Variants in CADM1 observed in about 807,000 individuals in gnomAD.
The protein encoded by CADM1 is cell adhesion molecule 1.
A neutral mutation model predicts 53.1 loss-of-function variants in CADM1; 15 were observed. The observed-to-expected ratio is 0.28, with a 90% CI of 0.19 to 0.44. The LOEUF (loss-of-function observed/expected upper bound fraction) is 0.44, where lower values mean the gene tolerates loss of function less well. Ranked by LOEUF, CADM1 falls within the 20% of genes least tolerant of loss-of-function variation. The pLI, the probability that CADM1 is intolerant of heterozygous loss-of-function variation, is 1.00. For missense variants in CADM1, 434 were observed against 611.3 expected (o/e 0.71, Z 3.06); for synonymous variants, 281 against 243.0 (o/e 1.16, Z -1.45).
At chr11:115,243,906 G>A (rs1591637657) in intron 1 of CADM1, among the ~76,000 whole-genome samples, 1 of 152,188 alleles carries the variant, frequency 6.6e-6, no homozygotes, top group Admixed American at 6.5e-5. Context: ...ACAACATACT[G>A]TAGCCATTAA....
chr11:115,402,716 T>C (rs1947193439), intron 1 of CADM1, among the ~76,000 whole-genome samples: 1 of 152,084 alleles, frequency 6.6e-6, no homozygotes, highest in Non-Finnish European at 1.5e-5. Context: ...TTTTTTTCAC[T>C]GATCAGATTG....
At chr11:115,389,658 G>A (rs909179359) in intron 1 of CADM1, among the ~76,000 whole-genome samples, 3 of 152,006 alleles carry the variant, frequency 2.0e-5, no homozygotes, top group African/African-American at 7.2e-5. Context: ...TCACAACTAA[G>A]TAAAACAGGC....
chr11:115,194,365 A>G (rs1565289470), intron 9 of CADM1, among the ~76,000 whole-genome samples: 1 of 152,236 alleles, frequency 6.6e-6, no homozygotes, highest in Non-Finnish European at 1.5e-5. Flanking sequence ...TGCATTATTT[A>G]TAAACGAGTC....
At chr11:115,385,071 G>T (rs1254408597) in intron 1 of CADM1, among the ~76,000 whole-genome samples, 1 of 151,592 alleles carries the variant, frequency 6.6e-6, no homozygotes, top group East Asian at 1.9e-4. Flanking sequence ...AGCTTAAAGA[G>T]ATCCTATTAT....
chr11:115,212,600 C>G (rs989897436), intron 7 of CADM1, among the ~76,000 whole-genome samples: 1 of 152,168 alleles, frequency 6.6e-6, no homozygotes, highest in African/African-American at 2.4e-5. Flanking sequence ...CTGGCCCAGA[C>G]AGTTAATTCT....
intron 1 of CADM1, among the ~76,000 whole-genome samples, chr11:115,391,408 G>A (rs1186271181): frequency 6.6e-6 from 1 of 152,180 alleles, no homozygotes; most frequent in African/African-American, 2.4e-5. Flanking sequence ...ATTCTAAAAT[G>A]TGAATGGCCG....
intron 1 of CADM1, among the ~76,000 whole-genome samples, chr11:115,490,391 G>A (rs902808885): frequency 2.4e-4 from 32 of 135,754 alleles, no homozygotes; most frequent in African/African-American, 7.8e-4. Context: ...GGGAAGAACA[G>A]ATTTTTTTTT....
At chr11:115,465,574 T>C (rs899902808) in intron 1 of CADM1, among the ~76,000 whole-genome samples, 1 of 152,180 alleles carries the variant, frequency 6.6e-6, no homozygotes, top group Non-Finnish European at 1.5e-5. Context: ...GATATAAAGA[T>C]AGTCCCATGA....
At chr11:115,374,239 C>T (rs1009454456) in intron 1 of CADM1, among the ~76,000 whole-genome samples, 3 of 152,156 alleles carry the variant, frequency 2.0e-5, no homozygotes, top group Non-Finnish European at 4.4e-5. Flanking sequence ...ATAAAAGAGT[C>T]TTCCACTAGC....
chr11:115,428,020 A>AG (rs1947937491), intron 1 of CADM1, among the ~76,000 whole-genome samples: 1 of 150,842 alleles, frequency 6.6e-6, no homozygotes, highest in Non-Finnish European at 1.5e-5. Context: ...AAAAAAAAAA[A>AG]AAAAAAAAAA....
intron 1 of CADM1, among the ~76,000 whole-genome samples, chr11:115,453,386 C>A (rs117176360): frequency 1.4e-4 from 19 of 131,886 alleles, no homozygotes; most frequent in East Asian, 4.1e-4. Context: ...CCAAAAAAAA[C>A]CAAAAAAAAA....
intron 1 of CADM1, among the ~76,000 whole-genome samples, chr11:115,250,676 T>C (rs1022164923): frequency 3.9e-5 from 6 of 152,370 alleles, no homozygotes; most frequent in South Asian, 2.1e-4. Context: ...CAATAGCTAA[T>C]GTATTTTTAA....
rs573436176 is a variant in CADM1 at position 115,475,979 on chromosome 11, T to C, written c.124+28292A>G. ...AATCCTTAAAGGTGTAAATTAAAAT[T>C]ACTGCTAGCAAAAAGGTTCACTCTT... On this transcript the variant is annotated intron_variant, in intron 1 of 11. Coordinates refer to ENST00000331581, the MANE Select transcript of CADM1 (RefSeq NM_001301043.2). Among the ~76,000 whole-genome samples, 264 of 152,326 alleles carry C rather than the reference T, an allele frequency of 1.7e-3. 2 individuals are homozygous for C. Among genetic ancestry groups the C allele is most frequent in the African/African-American group, 6.2e-3 (257 of 41,582 alleles).
chr11:115,270,520 G>A (rs1436351772), intron 1 of CADM1, among the ~76,000 whole-genome samples: 1 of 152,088 alleles, frequency 6.6e-6, no homozygotes, highest in Non-Finnish European at 1.5e-5. Context: ...TACAGGATTT[G>A]CTTTATTGGT....
intron 1 of CADM1, among the ~76,000 whole-genome samples, chr11:115,308,642 AC>A (rs781563676): frequency 1.3e-3 from 201 of 152,158 alleles, no homozygotes; most frequent in Non-Finnish European, 1.8e-3. Context: ...TATGGTACCA[AC>A]AACTTTTCTG....
At chr11:115,458,110 T>A (rs1591264650) in intron 1 of CADM1, among the ~76,000 whole-genome samples, 1 of 88,044 alleles carries the variant, frequency 1.1e-5, no homozygotes, top group African/African-American at 5.2e-5. Flanking sequence ...GTTTGGGGGA[T>A]ACTAAAGTCT....
intron 1 of CADM1, among the ~76,000 whole-genome samples, chr11:115,367,518 T>A (rs1387170115): frequency 1.3e-5 from 2 of 152,162 alleles, no homozygotes; most frequent in East Asian, 3.8e-4. Context: ...TAATGCATAT[T>A]ATAGAAAATG....
chr11:115,289,949 G>T (rs1281771694), intron 1 of CADM1, among the ~76,000 whole-genome samples: 2 of 152,156 alleles, frequency 1.3e-5, no homozygotes, highest in Non-Finnish European at 2.9e-5. Flanking sequence ...AGCCATAAGG[G>T]CTAAGTGCTT....
intron 1 of CADM1, chr11:115,399,090 A>T (rs972297321): frequency 3.0e-4 from 46 of 152,214 alleles, no homozygotes; most frequent in African/African-American, 1.1e-3. Context: ...TTATTATTAC[A>T]CCTATTGAGT....
Sources: allele counts gnomAD v4.1 joint callset (sites outside exome capture counted in the v4.1 genomes callset), GRCh38; gene constraint gnomAD v4.1.1; transcripts MANE v1.5; gene names NCBI Gene and HGNC (gene_info 2026-07-23, HGNC 2026-07-21).